ABLIM3: variants seen among roughly 807,000 people sequenced by gnomAD.
ABLIM3 encodes the protein actin binding LIM protein family member 3.
Under a neutral mutation model 109.5 loss-of-function variants are expected in ABLIM3, and 61 were observed. That is an observed-to-expected ratio of 0.56 (90% CI 0.45 to 0.69). The LOEUF is 0.69. Ranked by LOEUF, ABLIM3 falls within the 30% of genes least tolerant of loss-of-function variation. ABLIM3 has a pLI of 0.00. For missense variants in ABLIM3, 796 were observed against 889.5 expected, an observed-to-expected ratio of 0.89 and a Z score of 1.34; for synonymous variants, 300 against 324.8, an observed-to-expected ratio of 0.92 and a Z score of 0.82.
intron 3 of ABLIM3, among the ~76,000 whole-genome samples, chr5:149,185,402 A>G (rs922763345): frequency 1.2e-4 from 19 of 152,310 alleles, no homozygotes; most frequent in African/African-American, 4.3e-4. Context: ...TTTAATAGGT[A>G]AGACCTTTTC....
intron 7 of ABLIM3, among the ~76,000 whole-genome samples, chr5:149,211,972 A>G (rs1231851904): frequency 1.3e-5 from 2 of 152,132 alleles, no homozygotes; most frequent in Non-Finnish European, 2.9e-5. Context: ...TTCTGCTCAC[A>G]ATAGCTGACC....
chr5:149,226,909 A>G (rs1411909942), intron 8 of ABLIM3, among the ~76,000 whole-genome samples: 1 of 152,040 alleles, frequency 6.6e-6, no homozygotes, highest in Non-Finnish European at 1.5e-5. Flanking sequence ...CATCTCTACT[A>G]AAAATACAAA....
intron 11 of ABLIM3, 97 bp downstream of exon 11, chr5:149,237,700 A>C: frequency 6.7e-7 from 1 of 1,493,134 alleles, no homozygotes; most frequent in Non-Finnish European, 9.0e-7. Flanking sequence ...GGCCTCCACA[A>C]TGCTGGCTCC....
chr5:149,250,088 C>G (rs1365747587), intron 19 of ABLIM3, among the ~76,000 whole-genome samples: 2 of 152,244 alleles, frequency 1.3e-5, no homozygotes, highest in African/African-American at 2.4e-5. Flanking sequence ...TCTTCCACCA[C>G]CTGGGAGCCT....
rs1301456941 is a variant in ABLIM3 at position 149,198,213 on chromosome 5, C to G, written c.152-6C>G. The G allele has an allele frequency of 6.2e-7, 1 of 1,607,858 alleles. No homozygotes were observed. Among genetic ancestry groups the G allele is most frequent in the Admixed American group, 1.7e-5 (1 of 59,048 alleles). On this transcript the variant is annotated splice_polypyrimidine_tract_variant and splice_region_variant and intron_variant, in intron 3 of 23. Coordinates refer to ENST00000309868, the MANE Select transcript of ABLIM3 (RefSeq NM_014945.5). This position sits in a 1 kb window ranked among gnomAD's most constrained non-coding sequence, Gnocchi z 4.2. ...CCTGCCCTTGTTTTCCTCCTTGTTC[C>G]CCAAGTATGTGGCTGTGGCCTGGCC...
chr5:149,153,112 G>A (rs1753579976), intron 2 of ABLIM3, among the ~76,000 whole-genome samples: 1 of 151,852 alleles, frequency 6.6e-6, no homozygotes, highest in African/African-American at 2.4e-5. Context: ...TAAGCTCTAG[G>A]GTCATCTTTC....
intron 10 of ABLIM3, 86 bp downstream of exon 10, chr5:149,233,386 A>G: frequency 7.3e-7 from 1 of 1,374,732 alleles, no homozygotes; most frequent in Admixed American, 1.7e-5. Context: ...GGAGCTCTCA[A>G]GTTTTCATCC....
chr5:149,217,269 C>T (rs1406517266), intron 8 of ABLIM3: 3 of 578,364 alleles, frequency 5.2e-6, no homozygotes, highest in African/African-American at 1.9e-5. Flanking sequence ...TCTCTGTGCA[C>T]CTCCACCCGC....
chr5:149,156,341 T>C, intron 2 of ABLIM3, among the ~76,000 whole-genome samples: 1 of 152,216 alleles, frequency 6.6e-6, no homozygotes, highest in Non-Finnish European at 1.5e-5. Context: ...CAGGTTCCTC[T>C]TAAGATGGGG....
rs1342667787 is a variant in ABLIM3 at position 149,258,384 on chromosome 5, A to C, written c.2032A>C (p.Lys678Gln). 9 of 1,614,072 alleles carry C rather than the reference A, an allele frequency of 5.6e-6. 1 individual carries two copies. The South Asian group carries it at 9.9e-5, about 18-fold the overall frequency. ...CCTCTGGAAGAGGAATGAACTGAAG[A>C]AGCAAGCCCGGCTGTTCTAGGCAGA... The part of the protein sequence containing the change: ...LALWKRNELK[K>Q]QARLF Residue 678 changes from lysine (K) to glutamine (Q), a missense_variant, in exon 24 of 24, where the codon AAG (lysine) becomes CAG (glutamine). Transcript: ENST00000309868.
At chr5:149,151,816 C>T (rs1753460864) in intron 2 of ABLIM3, among the ~76,000 whole-genome samples, 2 of 152,202 alleles carry the variant, frequency 1.3e-5, no homozygotes, top group Non-Finnish European at 2.9e-5. Flanking sequence ...GTTCCTGGGC[C>T]TGTCCAACAC....
chr5:149,258,829 G>T lies in ABLIM3; in HGVS notation c.*425G>T, dbSNP rs1754674707. Reference sequence around the variant, plus strand: ...CCCCAGAGGGGCCCTCCCATGGGAAGATCTGCAGCAGTCTCCCCAAATCAG... The same window carrying T: ...CCCCAGAGGGGCCCTCCCATGGGAATATCTGCAGCAGTCTCCCCAAATCAG... On this transcript the variant is annotated 3_prime_UTR_variant, in exon 24 of 24. Transcript: ENST00000309868. The T allele has an allele frequency of 1.0e-6, 1 of 990,626 alleles. No homozygotes were observed. The highest frequency in any genetic ancestry group is 1.7e-5 in the African/African-American group (1 of 57,438). 61.4% of individuals were successfully genotyped at this position (990,626 alleles called of 1,614,324 possible).
intron 3 of ABLIM3, among the ~76,000 whole-genome samples, chr5:149,190,033 A>G (rs1393946744): frequency 1.3e-5 from 2 of 152,274 alleles, no homozygotes; most frequent in Non-Finnish European, 2.9e-5. Context: ...ATTTAGCAAT[A>G]AAAAGGAATG....
chr5:149,228,749 CTAATTA>C (rs1269607938), intron 8 of ABLIM3, among the ~76,000 whole-genome samples: 1 of 151,926 alleles, frequency 6.6e-6, no homozygotes, highest in African/African-American at 2.4e-5. Flanking sequence ...TTTTTCATTT[CTAATTA>C]TATTTTTTTT....
At position 149,244,820 on chromosome 5, in the gene ABLIM3, G is replaced by T. The variant is rs577354513; in HGVS notation, c.1352-61G>T. The T allele has an allele frequency of 4.3e-6, 7 of 1,610,992 alleles. 1 individual carries two copies. The South Asian group carries it at 6.6e-5, about 15-fold the overall frequency. On this transcript the variant is annotated intron_variant, in intron 15 of 23. Coordinates refer to ENST00000309868, the MANE Select transcript of ABLIM3 (RefSeq NM_014945.5). ...GGAGCCTGGTAAAGATAGGAAAAGG[G>T]TACACAGTCCCATCCCGGTCACTCT...
chr5:149,229,780 G>A (rs1378983780), intron 8 of ABLIM3, among the ~76,000 whole-genome samples: 2 of 152,242 alleles, frequency 1.3e-5, no homozygotes, highest in East Asian at 3.8e-4. Flanking sequence ...TTTGGGGAAT[G>A]TGTCATATTT....
At position 149,241,037 on chromosome 5, in the gene ABLIM3, C is replaced by T. The variant is rs942812224; in HGVS notation, c.1303+263C>T. ...AGAGGCAGGGAGCTCGAGTGAGATACCGTGAGTGCTTGAGGGCTGTGAGGG... is the reference window on the plus strand; with the variant it reads ...AGAGGCAGGGAGCTCGAGTGAGATATCGTGAGTGCTTGAGGGCTGTGAGGG... On this transcript the variant is annotated intron_variant, in intron 14 of 23. Coordinates refer to ENST00000309868, the MANE Select transcript of ABLIM3 (RefSeq NM_014945.5). Among the ~76,000 whole-genome samples, 4 of 152,322 alleles carry T rather than the reference C, an allele frequency of 2.6e-5. No individual in the cohort carries two copies. The South Asian group carries it at 6.2e-4, about 24-fold the overall frequency.
At chr5:149,237,772 T>A (rs1369647187) in intron 11 of ABLIM3, among the ~76,000 whole-genome samples, 169 bp downstream of exon 11, 1 of 152,228 alleles carries the variant, frequency 6.6e-6, no homozygotes, top group Admixed American at 6.5e-5. Context: ...TTCATTTGGC[T>A]TTCTGGCTCT....
At chr5:149,184,133 A>G (rs766224340) in intron 3 of ABLIM3, among the ~76,000 whole-genome samples, 2 of 152,140 alleles carry the variant, frequency 1.3e-5, no homozygotes, top group Non-Finnish European at 2.9e-5. Context: ...ACACAGGGCT[A>G]ATTTATATAC....
Sources: gnomAD v4.1 joint callset for allele counts (sites outside exome capture counted in the v4.1 genomes callset) on GRCh38, gnomAD v4.1.1 for gene constraint, Gnocchi (gnomAD v3.1) non-coding constraint, MANE v1.5 for transcripts, NCBI Gene and HGNC (gene_info 2026-07-23, HGNC 2026-07-21) for gene names.